Variants in SATL1 observed in about 807,000 individuals in gnomAD.
SATL1 encodes the protein spermidine/spermine N(1)-acetyltransferase-like protein 1.
In SATL1, 47 loss-of-function variants were observed where a neutral mutation model predicts 51.8. The observed-to-expected ratio is 0.91, with a 90% CI of 0.72 to 1.16. The LOEUF (loss-of-function observed/expected upper bound fraction) is 1.16, where lower values mean the gene tolerates loss of function less well. Among genes scored for constraint, SATL1 ranks in the 50% most tolerant of loss-of-function variants. The probability of loss-of-function intolerance (pLI) is 0.00; values close to 1 mark genes in which losing one functional copy is unlikely to be tolerated. For synonymous variants in SATL1, 176 were observed against 182.4 expected (o/e 0.97, Z 0.28); for missense variants, 520 against 526.4 (o/e 0.99, Z 0.12).
chrX:85,213,170 A>G (rs893847627), intron 2 of SATL1, among the ~76,000 whole-genome samples: 6 of 111,874 alleles, frequency 5.4e-5, no homozygotes, highest in African/African-American at 1.9e-4. Flanking sequence ...AACTGATTAA[A>G]TGCCATTAGA....
At chrX:85,129,244 G>A (rs1302132176) in intron 2 of SATL1, among the ~76,000 whole-genome samples, 1 of 111,837 alleles carries the variant, frequency 8.9e-6, no homozygotes, top group Non-Finnish European at 1.9e-5. Context: ...GGGCAGAATG[G>A]CCATTTTCAT....
Position 85,168,082 on chromosome X carries a change from A to C in SATL1, c.-313+56123T>G, listed in dbSNP as rs1325082144. 2.7e-5 allele frequency among the ~76,000 whole-genome samples: 3 copies of C among 110,959 alleles called. No homozygotes were observed. The Admixed American group carries it at 2.9e-4, about 11-fold the overall frequency. On this transcript the variant is annotated intron_variant, in intron 2 of 7. Coordinates refer to ENST00000644105, the MANE Select transcript of SATL1 (RefSeq NM_001367857.2). ...AGAAAGGCTTTTGATAAAATTCAACACCCTTTCATATTAAAAACTCTCAAT... is the reference window on the plus strand; with the variant it reads ...AGAAAGGCTTTTGATAAAATTCAACCCCCTTTCATATTAAAAACTCTCAAT...
chrX:85,123,160 T>C (rs780475618), intron 2 of SATL1, among the ~76,000 whole-genome samples: 1 of 111,634 alleles, frequency 9.0e-6, no homozygotes, highest in African/African-American at 3.2e-5. Flanking sequence ...ATTTATATTA[T>C]TATTTTTTGG....
chrX:85,108,027 A>G lies in SATL1; in HGVS notation c.942T>C (p.Pro314=), dbSNP rs141720324. The G allele has an allele frequency of 2.4e-3, 2,902 of 1,201,804 alleles. 50 individuals are homozygous for G. In the African/African-American group the frequency reaches 0.043, roughly 18 times the overall value. The change falls in exon 3 of 8, where the codon CCT becomes CCC. Residue 314 remains proline, a synonymous_variant. Transcript: ENST00000644105. ...GCCATGTGCCTGGTTGTTTCATGCC[A>G]GGTTGGTTTATGTCTGGTAGGTTTG... ...SGTNLPDINQ[P]GMKQPGTWQL... is the part of the protein sequence containing the mutation.
chrX:85,121,693 C>T (rs2093218064), intron 2 of SATL1, among the ~76,000 whole-genome samples: 1 of 107,420 alleles, frequency 9.3e-6, no homozygotes, highest in African/African-American at 3.4e-5. Context: ...CACTCTCCTG[C>T]CCCCTACCCA....
chrX:85,177,955 G>A (rs980432399), intron 2 of SATL1, among the ~76,000 whole-genome samples: 6 of 111,685 alleles, frequency 5.4e-5, no homozygotes, highest in African/African-American at 1.9e-4. Flanking sequence ...AGATGAGATA[G>A]AAGAAGCATC....
intron 2 of SATL1, among the ~76,000 whole-genome samples, chrX:85,159,429 T>C (rs1223063238): frequency 9.1e-6 from 1 of 110,321 alleles, no homozygotes; most frequent in Non-Finnish European, 1.9e-5. Flanking sequence ...ATGCAAGAGA[T>C]TGAGGTTGCA....
chrX:85,098,737 T>C (rs1485204990), intron 4 of SATL1, among the ~76,000 whole-genome samples: 3 of 110,848 alleles, frequency 2.7e-5, no homozygotes, highest in Non-Finnish European at 5.7e-5. Context: ...ATAAGGGAAA[T>C]AGGAAAACAC....
Position 85,236,864 on chromosome X carries a change from G to A in SATL1, c.-435+6724C>T, listed in dbSNP as rs1928490911. Among the ~76,000 whole-genome samples the A allele has an allele frequency of 4.5e-5, 5 of 110,949 alleles. No homozygotes were observed. In the South Asian group the frequency reaches 1.9e-3, roughly 41 times the overall value. ...ACCAATCAGACAAAATAAATAAAGG[G>A]CATCTGAATTTAAAAGGAAGAAGTC... On this transcript the variant is annotated intron_variant, in intron 1 of 7. Transcript: ENST00000644105.
rs1036125023 is a variant in SATL1, at chrX:85,218,359, A to G, written c.-313+5846T>C. 2.7e-5 allele frequency among the ~76,000 whole-genome samples: 3 copies of G among 111,983 alleles called. No homozygotes were observed. In the Admixed American group the frequency reaches 2.8e-4, roughly 11 times the overall value. On this transcript the variant is annotated intron_variant, in intron 2 of 7. Coordinates refer to ENST00000644105, the MANE Select transcript of SATL1 (RefSeq NM_001367857.2). Reference sequence around the variant, plus strand: ...TTCATACTTTCTCAGATCTGTTTTAAAATGACATTTTTAAATGTTCAGGGA... The same window carrying G: ...TTCATACTTTCTCAGATCTGTTTTAGAATGACATTTTTAAATGTTCAGGGA...
intron 4 of SATL1, among the ~76,000 whole-genome samples, chrX:85,099,383 G>A (rs147610439): frequency 0.018 from 1,987 of 111,455 alleles, 46 homozygotes; most frequent in African/African-American, 0.061. Context: ...TGAAGAGACG[G>A]GAACACTTTG....
At chrX:85,141,077 C>T (rs1390998378) in intron 2 of SATL1, among the ~76,000 whole-genome samples, 12 of 111,550 alleles carry the variant, frequency 1.1e-4, no homozygotes, top group Non-Finnish European at 2.3e-4. Flanking sequence ...TGACTGCAGC[C>T]ATTCCAAGCA....
intron 2 of SATL1, among the ~76,000 whole-genome samples, chrX:85,195,110 G>C (rs747845582): frequency 4.5e-5 from 5 of 111,076 alleles, no homozygotes; most frequent in Non-Finnish European, 7.6e-5. Flanking sequence ...CAGTATGTAG[G>C]TGGAGACATA....
intron 2 of SATL1, among the ~76,000 whole-genome samples, chrX:85,150,278 C>T (rs1236417021): frequency 1.8e-5 from 2 of 111,713 alleles, no homozygotes; most frequent in Non-Finnish European, 3.8e-5. Context: ...GAAGCAGAAT[C>T]TCTGAATAGA....
chrX:85,104,023 C>T (rs1206018837), intron 3 of SATL1, 108 bp from the exon 4 acceptor site: 2 of 571,345 alleles, frequency 3.5e-6, no homozygotes, highest in African/African-American at 2.3e-5. Context: ...ACGTCCTGGG[C>T]AGTGTTAAAA....
At chrX:85,242,605 G>T (rs1294296299) in intron 1 of SATL1, among the ~76,000 whole-genome samples, 1 of 112,206 alleles carries the variant, frequency 8.9e-6, no homozygotes, top group Middle Eastern at 4.2e-3. Context: ...TCAAAAGTAA[G>T]GAAAACAAAT....
chrX:85,156,425 G>T (rs1450232318), intron 2 of SATL1: 1 of 110,910 alleles, frequency 9.0e-6, no homozygotes, highest in African/African-American at 3.3e-5. Context: ...GTAAACACTG[G>T]AACTCATTTG....
At position 85,107,266 on chromosome X, in the gene SATL1, T is replaced by C. The variant is rs1036538720; in HGVS notation, c.1641+62A>G. 2.0e-5 allele frequency: 20 copies of C among 985,994 alleles called. 1 individual carries two copies. Among genetic ancestry groups the C allele is most frequent in the Admixed American group, 7.2e-5 (3 of 41,927 alleles). The allele number at this position is 985,994 out of a possible 1,213,427, so 81.3% of individuals were successfully genotyped here. A position where few individuals can be genotyped will look rare whatever the true frequency, so the allele number is the denominator to read the frequency against. ...GCAGAATTCGAACCCCAACTATGCC[T>C]CCCTTACTCTTTCAGCCCTACACCA... On this transcript the variant is annotated intron_variant, in intron 3 of 7. Coordinates refer to ENST00000644105, the MANE Select transcript of SATL1 (RefSeq NM_001367857.2).
At chrX:85,205,795 G>A (rs1927780753) in intron 2 of SATL1, among the ~76,000 whole-genome samples, 3 of 111,600 alleles carry the variant, frequency 2.7e-5, no homozygotes, top group South Asian at 3.8e-4. Context: ...GTTGTAAAGA[G>A]GATGGTTTGG....
Sources: allele counts gnomAD v4.1 joint callset (sites outside exome capture counted in the v4.1 genomes callset), GRCh38; gene constraint gnomAD v4.1.1; transcripts MANE v1.5; gene names NCBI Gene and HGNC (gene_info 2026-07-23, HGNC 2026-07-21).